The following KDM1B variants were observed in gnomAD, a reference collection of about 807,000 sequenced individuals.
KDM1B encodes the protein lysine-specific histone demethylase 2.
KDM1B carries 63 observed loss-of-function variants against 107.4 expected under a neutral mutation model. That is an observed-to-expected ratio of 0.59 (90% confidence interval 0.48 to 0.72). KDM1B has a LOEUF of 0.72. Ranked by LOEUF, KDM1B falls within the 30% of genes least tolerant of loss-of-function variation. KDM1B has a pLI of 0.00. For missense variants in KDM1B, 749 were observed against 1,020.8 expected (o/e 0.73, Z 3.63); for synonymous variants, 363 against 363.9 (o/e 1.00, Z 0.03).
Position 18,200,625 on chromosome 6 carries a change from T to C in KDM1B, c.1359+49T>C, listed in dbSNP as rs1490643479. ...TGTAGATAAAGGAAAGAAAAACAGT[T>C]TCAATTTGCTTGTGTGCAGTATTAA... is the stretch of plus-strand genomic sequence containing the variant. On this transcript the variant is annotated intron_variant, in intron 13 of 21. Transcript: ENST00000650836. This position sits in a 1 kb window ranked among gnomAD's most constrained non-coding sequence, Gnocchi z 4.3. 1 of 1,570,580 alleles carries C rather than the reference T, an allele frequency of 6.4e-7. No individual in the cohort carries two copies. Among genetic ancestry groups the C allele is most frequent in the Non-Finnish European group, 8.6e-7 (1 of 1,157,420 alleles).
At chr6:18,176,450 T>G (rs767161016) in intron 7 of KDM1B, among the ~76,000 whole-genome samples, 4 of 152,292 alleles carry the variant, frequency 2.6e-5, no homozygotes, top group African/African-American at 9.6e-5. Context: ...CTTTATCTCT[T>G]TCTCTTGTCT....
chr6:18,216,699 T>G (rs1789262640), intron 20 of KDM1B, among the ~76,000 whole-genome samples: 1 of 152,216 alleles, frequency 6.6e-6, no homozygotes, highest in South Asian at 2.1e-4. Flanking sequence ...ACCTCCACAC[T>G]GTAGACATTG....
intron 7 of KDM1B, 28 bp downstream of exon 7, chr6:18,171,507 A>G (rs1481995201): frequency 8.9e-7 from 1 of 1,125,902 alleles, no homozygotes; most frequent in Non-Finnish European, 1.4e-6. Flanking sequence ...TTTTGAGTTA[A>G]TTGATATATT....
At chr6:18,171,788 GTAGT>G (rs1466590319) in intron 7 of KDM1B, among the ~76,000 whole-genome samples, 10 of 152,244 alleles carry the variant, frequency 6.6e-5, no homozygotes, top group South Asian at 2.1e-4. Context: ...AGGCCACAAG[GTAGT>G]TGCTATACCA....
In KDM1B at chr6:18,162,152, C is replaced by G. The variant is rs1785015230; in HGVS notation, c.216-683C>G. Among the ~76,000 whole-genome samples the G allele has an allele frequency of 6.6e-6, 1 of 152,020 alleles. No individual in the cohort carries two copies. Among genetic ancestry groups the G allele is most frequent in the South Asian group, 2.1e-4 (1 of 4,820 alleles). ...CCTGGCCAACATGGTGAAACCCTGT[C>G]TCTACTAAAAATACACAAATTAGCT... On this transcript the variant is annotated intron_variant, in intron 4 of 21. Transcript: ENST00000650836. The surrounding 1 kb of genome is among the most constrained non-coding windows in gnomAD (Gnocchi z 4.1).
intron 7 of KDM1B, among the ~76,000 whole-genome samples, chr6:18,178,904 C>T (rs1156607866): frequency 1.3e-5 from 2 of 152,120 alleles, no homozygotes; most frequent in Admixed American, 1.3e-4. Flanking sequence ...GTCTTTTTGC[C>T]CTTTTTCTTG....
intron 17 of KDM1B, among the ~76,000 whole-genome samples, chr6:18,208,896 C>T (rs575159000): frequency 4.4e-4 from 66 of 150,834 alleles, no homozygotes; most frequent in South Asian, 6.3e-4. Context: ...CCTCATGATC[C>T]GCCCGCCTCG....
At chr6:18,171,072 G>A (rs1582099727) in intron 6 of KDM1B, among the ~76,000 whole-genome samples, 2 of 151,808 alleles carry the variant, frequency 1.3e-5, no homozygotes, top group South Asian at 4.2e-4. Flanking sequence ...CGCCCGCCTT[G>A]GCCTCCCAAA....
In KDM1B at chr6:18,186,837, A is replaced by G. The variant is rs1786890110; in HGVS notation, c.574-955A>G. On this transcript the variant is annotated intron_variant, in intron 8 of 21. Transcript: ENST00000650836. The surrounding 1 kb of genome is among the most constrained non-coding windows in gnomAD (Gnocchi z 5.6). ...ATTATCACAAGAACAGCATGAGGGT[A>G]ACTGCCCCTGTGGTTTAATTACCTC... Among the ~76,000 whole-genome samples, 1 of 152,140 alleles carries G rather than the reference A, an allele frequency of 6.6e-6. No homozygotes were observed. The highest frequency in any genetic ancestry group is 6.6e-5 in the Admixed American group (1 of 15,258).
Position 18,155,690 on chromosome 6 carries a change from C to T in KDM1B, c.-58+119C>T, listed in dbSNP as rs968144663. 2.8e-4 allele frequency: 43 copies of T among 152,488 alleles called. No individual in the cohort carries two copies. The highest frequency in any genetic ancestry group is 5.4e-4 in the Non-Finnish European group (37 of 68,316). The allele number at this position is 152,488 out of a possible 1,614,324, so 9.4% of individuals were successfully genotyped here. A position where few individuals can be genotyped will look rare whatever the true frequency, so the allele number is the denominator to read the frequency against. ...CTCCCTTTCCCCCTGTGCAGCGCCC[C>T]TCGCCGTGGTGGGAGGTGGGCGGGT... On this transcript the variant is annotated intron_variant, in intron 1 of 21. Transcript: ENST00000650836. The surrounding 1 kb of genome is among the most constrained non-coding windows in gnomAD (Gnocchi z 6.2).
intron 6 of KDM1B, among the ~76,000 whole-genome samples, chr6:18,166,734 G>A (rs114601361): frequency 0.031 from 4,766 of 151,794 alleles, 189 homozygotes; most frequent in African/African-American, 0.097. Context: ...GGTGTCTGTA[G>A]TCCCATCTAC....
At position 18,191,230 on chromosome 6, in the gene KDM1B, A is replaced by G. The variant is rs1386826599; in HGVS notation, c.818A>G (p.Tyr273Cys). The change falls in exon 10 of 22, where the codon TAC (tyrosine) becomes TGC (cysteine). Residue 273 changes from tyrosine (Y) to cysteine (C), a missense_variant. Coordinates refer to ENST00000650836, the MANE Select transcript of KDM1B (RefSeq NM_001364614.2). This position sits in a 1 kb window ranked among gnomAD's most constrained non-coding sequence, Gnocchi z 5.1. ...PGMNRYFQPF[Y>C]QPNECGKALC... ...ATGAACCGATACTTCCAGCCTTTCT[A>G]CCAGCCCAATGAGTGTGGCAAAGCC... The G allele has an allele frequency of 3.2e-6, 5 of 1,550,364 alleles. No homozygotes were observed. The highest frequency in any genetic ancestry group is 1.4e-5 in the African/African-American group (1 of 72,984).
At chr6:18,198,420 G>T (rs1043417339) in intron 12 of KDM1B, among the ~76,000 whole-genome samples, 2 of 150,934 alleles carry the variant, frequency 1.3e-5, no homozygotes, top group African/African-American at 4.9e-5. Flanking sequence ...GTAGAGACGG[G>T]ATTTCACCAT....
intron 9 of KDM1B, among the ~76,000 whole-genome samples, chr6:18,190,041 TGGGGAGGGTGA>T (rs564840378): frequency 8.7e-4 from 132 of 151,998 alleles, no homozygotes; most frequent in African/African-American, 3.0e-3. Context: ...TCCCTGCTAC[TGGGGAGGGTGA>T]GGAAGGAGAA....
rs1789897817 is a variant in KDM1B, at chr6:18,223,165, G to C, written c.*1173G>C. On this transcript the variant is annotated 3_prime_UTR_variant, in exon 22 of 22. Transcript: ENST00000650836. ...AGGTTAGAAATATGCTTTTGTTTTTGAACAATAATATACTGGTTTGCTTTA... is the reference window on the plus strand; with the variant it reads ...AGGTTAGAAATATGCTTTTGTTTTTCAACAATAATATACTGGTTTGCTTTA... The C allele has an allele frequency of 6.6e-6, 1 of 152,384 alleles. No homozygotes were observed. The highest frequency in any genetic ancestry group is 2.4e-5 in the African/African-American group (1 of 41,342). 9.4% of individuals were successfully genotyped at this position (152,384 alleles called of 1,614,324 possible). A position where few individuals can be genotyped will look rare whatever the true frequency, so the allele number is the denominator to read the frequency against.
At position 18,209,161 on chromosome 6, in the gene KDM1B, A is replaced by G. The variant is rs555163256; in HGVS notation, c.1866+955A>G. Among the ~76,000 whole-genome samples, 1 of 152,174 alleles carries G rather than the reference A, an allele frequency of 6.6e-6. No individual in the cohort carries two copies. Among genetic ancestry groups the G allele is most frequent in the African/African-American group, 2.4e-5 (1 of 41,438 alleles). ...AACAGCTTTATAGTAGGTGAACAGT[A>G]CAAGGTACTGCTGAATCAAATACCT... On this transcript the variant is annotated intron_variant, in intron 17 of 21. Transcript: ENST00000650836. The surrounding 1 kb of genome is among the most constrained non-coding windows in gnomAD (Gnocchi z 4.3).
intron 20 of KDM1B, among the ~76,000 whole-genome samples, chr6:18,216,566 G>A (rs932697280): frequency 5.9e-5 from 9 of 152,134 alleles, no homozygotes; most frequent in African/African-American, 1.9e-4. Context: ...TCTCTTACTC[G>A]AGGCTTTGCT....
chr6:18,203,739 G>T lies in KDM1B; in HGVS notation c.1532-1798G>T, dbSNP rs1788195229. Among the ~76,000 whole-genome samples the T allele has an allele frequency of 6.6e-6, 1 of 151,796 alleles. No homozygotes were observed. Among genetic ancestry groups the T allele is most frequent in the Non-Finnish European group, 1.5e-5 (1 of 67,980 alleles). On this transcript the variant is annotated intron_variant, in intron 14 of 21. Coordinates refer to ENST00000650836, the MANE Select transcript of KDM1B (RefSeq NM_001364614.2). The surrounding 1 kb of genome is among the most constrained non-coding windows in gnomAD (Gnocchi z 5.5). Reference sequence around the variant, plus strand: ...ATGGTGGTGCATGCCTGTAATCCCAGGTATTTGGGATGCTGAGGCAGGAGA... The same window carrying T: ...ATGGTGGTGCATGCCTGTAATCCCATGTATTTGGGATGCTGAGGCAGGAGA...
In KDM1B at chr6:18,200,813, A is replaced by C. The variant is rs997859560; in HGVS notation, c.1359+237A>C. ...TTTATTTCCTTGTTCTTTGCAGGCC[A>C]CTTGGTTATCTCATAATTTTAGAGT... On this transcript the variant is annotated intron_variant, in intron 13 of 21. Coordinates refer to ENST00000650836, the MANE Select transcript of KDM1B (RefSeq NM_001364614.2). This position sits in a 1 kb window ranked among gnomAD's most constrained non-coding sequence, Gnocchi z 4.3. Among the ~76,000 whole-genome samples the C allele has an allele frequency of 6.6e-6, 1 of 152,072 alleles. No homozygotes were observed. Among genetic ancestry groups the C allele is most frequent in the Non-Finnish European group, 1.5e-5 (1 of 68,020 alleles).
Sources: allele counts gnomAD v4.1 joint callset (sites outside exome capture counted in the v4.1 genomes callset), GRCh38; gene constraint gnomAD v4.1.1; non-coding constraint Gnocchi (gnomAD v3.1); transcripts MANE v1.5; gene names NCBI Gene and HGNC (gene_info 2026-07-23, HGNC 2026-07-21).